The following PATJ variants were observed in gnomAD, a reference collection of about 807,000 sequenced individuals.
The protein encoded by PATJ is PATJ crumbs cell polarity complex component.
A neutral mutation model predicts 224.9 loss-of-function variants in PATJ; 190 were observed. That is an observed-to-expected ratio of 0.84 (90% CI 0.75 to 0.95). The LOEUF is 0.95. Ranked by LOEUF, PATJ falls within the 40% of genes least tolerant of loss-of-function variation. The pLI, the probability that PATJ is intolerant of heterozygous loss-of-function variation, is 0.00. For missense variants in PATJ, 2,121 were observed against 2,270.3 expected (o/e 0.93, Z 1.34); for synonymous variants, 769 against 820.3 (o/e 0.94, Z 1.07).
chr1:61,799,782 G>C (rs1006110046), intron 11 of PATJ, among the ~76,000 whole-genome samples: 4 of 152,052 alleles, frequency 2.6e-5, no homozygotes, highest in Non-Finnish European at 2.9e-5. Flanking sequence ...CCATTGTTTA[G>C]CTTAGTGAGA....
At chr1:61,990,562 TCA>T (rs1645003429) in intron 28 of PATJ, 198 bp downstream of exon 28, 1 of 421,532 alleles carries the variant, frequency 2.4e-6, no homozygotes, top group Non-Finnish European at 4.1e-6. Flanking sequence ...AAAACTAATC[TCA>T]CAGAATATTT....
At chr1:61,795,661 A>C (rs562164489) in intron 10 of PATJ, 103 bp downstream of exon 10, 1 of 588,966 alleles carries the variant, frequency 1.7e-6, no homozygotes. Context: ...TAGTTTTATA[A>C]GGTTTTTTAA....
intron 24 of PATJ, among the ~76,000 whole-genome samples, chr1:61,908,009 A>G (rs761035801): frequency 6.6e-6 from 1 of 152,214 alleles, no homozygotes; most frequent in Non-Finnish European, 1.5e-5. Context: ...ATAAAAGTCC[A>G]TAGATATTCC....
chr1:61,819,462 C>T (rs1656809286), intron 14 of PATJ, among the ~76,000 whole-genome samples: 1 of 152,154 alleles, frequency 6.6e-6, no homozygotes, highest in African/African-American at 2.4e-5. Flanking sequence ...AGGGCAAAGA[C>T]TTCATCCTAT....
intron 27 of PATJ, among the ~76,000 whole-genome samples, chr1:61,955,134 T>G (rs1161463083): frequency 6.6e-6 from 1 of 152,206 alleles, no homozygotes; most frequent in Non-Finnish European, 1.5e-5. Flanking sequence ...CATGTTAGTA[T>G]TATTATTCCC....
intron 27 of PATJ, among the ~76,000 whole-genome samples, chr1:61,978,672 T>A (rs984278099): frequency 2.6e-5 from 4 of 152,206 alleles, no homozygotes; most frequent in African/African-American, 9.6e-5. Context: ...TAAGAAAAAT[T>A]AGATTGAGAT....
chr1:61,937,537 G>T (rs916548919), intron 27 of PATJ, among the ~76,000 whole-genome samples: 4 of 151,836 alleles, frequency 2.6e-5, no homozygotes, highest in Admixed American at 2.0e-4. Context: ...CCATCTGCTT[G>T]CTAGGTGGAA....
intron 27 of PATJ, among the ~76,000 whole-genome samples, chr1:61,960,964 A>G (rs997615683): frequency 6.6e-6 from 1 of 152,188 alleles, no homozygotes; most frequent in Non-Finnish European, 1.5e-5. Context: ...ATGGGAAGGA[A>G]AGGGACTGTC....
chr1:62,114,122 A>C lies in PATJ; in HGVS notation c.4531A>C (p.Lys1511Gln), dbSNP rs750573682. Residue 1511 changes from lysine to glutamine, a missense_variant, in exon 35 of 44, where the codon AAG becomes CAG. By Grantham distance (53) the Lys-to-Gln change is moderately conservative (BLOSUM62 1). Coordinates refer to ENST00000642238, the MANE Select transcript of PATJ (RefSeq NM_001350145.3). ...AITALRQTPQ[K>Q]VRLVVYRDEA... ...CACAGCCCTGAGGCAGACCCCCCAGAAGGTGCGGCTGGTGGTGTATAGAGA... is the reference window on the plus strand; with the variant it reads ...CACAGCCCTGAGGCAGACCCCCCAGCAGGTGCGGCTGGTGGTGTATAGAGA... The C allele has an allele frequency of 6.2e-7, 1 of 1,614,110 alleles. No individual in the cohort carries two copies. Among genetic ancestry groups the C allele is most frequent in the Non-Finnish European group, 8.5e-7 (1 of 1,180,012 alleles).
chr1:62,119,543 C>T (rs1049655558), intron 37 of PATJ, among the ~76,000 whole-genome samples: 2 of 152,084 alleles, frequency 1.3e-5, no homozygotes, highest in Non-Finnish European at 2.9e-5. Flanking sequence ...AAATGACTTT[C>T]CCCCAAACCA....
intron 27 of PATJ, among the ~76,000 whole-genome samples, chr1:61,954,460 A>G (rs994049813): frequency 5.3e-5 from 8 of 152,184 alleles, no homozygotes; most frequent in African/African-American, 1.9e-4. Context: ...GTCACTTTAA[A>G]GTATTTTAGG....
chr1:61,768,278 G>T (rs1646402863), intron 4 of PATJ, among the ~76,000 whole-genome samples: 1 of 151,780 alleles, frequency 6.6e-6, no homozygotes, highest in Non-Finnish European at 1.5e-5. Context: ...GACCATCCTG[G>T]CTAACACGGT....
chr1:61,895,559 G>A (rs1421946923), intron 22 of PATJ, among the ~76,000 whole-genome samples: 1 of 152,228 alleles, frequency 6.6e-6, no homozygotes, highest in Admixed American at 6.5e-5. Flanking sequence ...TCCATGTGGT[G>A]TTGGGCCTGA....
intron 28 of PATJ, among the ~76,000 whole-genome samples, chr1:61,993,920 C>G (rs1254222285): frequency 2.0e-5 from 3 of 152,130 alleles, no homozygotes; most frequent in Non-Finnish European, 1.5e-5. Flanking sequence ...CCTATGCTTT[C>G]CTTTGACTTT....
chr1:62,136,940 C>T lies in PATJ; in HGVS notation c.5271+7995C>T, dbSNP rs113462303. Among the ~76,000 whole-genome samples the T allele has an allele frequency of 8.1e-3, 1,227 of 152,240 alleles. 17 individuals carry two copies. Among genetic ancestry groups the T allele is most frequent in the African/African-American group, 0.028 (1,146 of 41,544 alleles). On this transcript the variant is annotated intron_variant, in intron 41 of 43. Coordinates refer to ENST00000642238, the MANE Select transcript of PATJ (RefSeq NM_001350145.3). ...AGTCTAAGGGCTAATCATCTTCTTT[C>T]GCAGGAACCTTTAGGAGAGTTCTAA...
At chr1:62,041,963 G>A (rs1651573573) in intron 30 of PATJ, among the ~76,000 whole-genome samples, 3 of 151,596 alleles carry the variant, frequency 2.0e-5, no homozygotes, top group South Asian at 2.1e-4. Context: ...CTCCAGCCTG[G>A]GCGACAGAGA....
intron 27 of PATJ, among the ~76,000 whole-genome samples, chr1:61,969,699 G>C (rs1682672361): frequency 6.6e-6 from 1 of 151,962 alleles, no homozygotes; most frequent in South Asian, 2.1e-4. Flanking sequence ...TGTGTACTTT[G>C]TTTTGTTTGT....
intron 41 of PATJ, among the ~76,000 whole-genome samples, chr1:62,138,393 C>T (rs2457816): frequency 0.32 from 48,304 of 151,966 alleles, 9,062 homozygotes; most frequent in Non-Finnish European, 0.44. Context: ...CTGCAACCTC[C>T]GCCTCCTGGG....
chr1:61,991,234 A>C (rs1169394928), intron 28 of PATJ, among the ~76,000 whole-genome samples: 3 of 152,204 alleles, frequency 2.0e-5, no homozygotes, highest in Non-Finnish European at 4.4e-5. Context: ...AACAGCTAAA[A>C]TATACCTGGT....
Sources: allele counts gnomAD v4.1 joint callset (sites outside exome capture counted in the v4.1 genomes callset), GRCh38; gene constraint gnomAD v4.1.1; transcripts MANE v1.5; gene names NCBI Gene and HGNC (gene_info 2026-07-23, HGNC 2026-07-21).